The following PDE4D variants were observed in gnomAD, a reference collection of about 807,000 sequenced individuals.
The protein encoded by PDE4D is 3',5'-cyclic-AMP phosphodiesterase 4D.
In PDE4D, 24 loss-of-function variants were observed where a neutral mutation model predicts 87.4. The observed-to-expected ratio is 0.27, with a 90% CI of 0.20 to 0.39. The LOEUF (loss-of-function observed/expected upper bound fraction) is 0.39. Among genes scored for constraint, PDE4D ranks in the 10% least tolerant of loss-of-function variants. PDE4D has a pLI of 1.00. For missense variants in PDE4D, 714 were observed against 1,041.0 expected (o/e 0.69, Z 4.32); for synonymous variants, 384 against 383.2 (o/e 1.00, Z -0.02).
chr5:60,142,112 T>C (rs1218219393), intron 2 of PDE4D, among the ~76,000 whole-genome samples: 2 of 150,682 alleles, frequency 1.3e-5, no homozygotes, highest in South Asian at 2.1e-4. Flanking sequence ...AGAAACTGCA[T>C]GGAAAACAAA....
chr5:60,344,705 C>A (rs1254060727), intron 1 of PDE4D, among the ~76,000 whole-genome samples: 1 of 152,060 alleles, frequency 6.6e-6, no homozygotes, highest in Non-Finnish European at 1.5e-5. Context: ...CACACACACG[C>A]AAACAGATGA....
intron 1 of PDE4D, among the ~76,000 whole-genome samples, chr5:59,558,164 TACA>T (rs1003801428): frequency 2.0e-5 from 3 of 152,182 alleles, no homozygotes; most frequent in Admixed American, 6.6e-5. Flanking sequence ...GCTATGGAGA[TACA>T]ACAAGACAAT....
At chr5:59,251,739 C>T (rs1193189911) in intron 1 of PDE4D, among the ~76,000 whole-genome samples, 2 of 152,016 alleles carry the variant, frequency 1.3e-5, no homozygotes, top group East Asian at 1.9e-4. Flanking sequence ...ATGTTCATTC[C>T]AGCACTATTA....
intron 2 of PDE4D, among the ~76,000 whole-genome samples, chr5:60,132,724 G>T (rs1019041211): frequency 6.6e-6 from 1 of 151,952 alleles, no homozygotes; most frequent in Non-Finnish European, 1.5e-5. Flanking sequence ...GTTCACTATG[G>T]TTACATTTAA....
chr5:59,574,244 T>C (rs1384932092), intron 1 of PDE4D, among the ~76,000 whole-genome samples: 1 of 145,302 alleles, frequency 6.9e-6, no homozygotes, highest in African/African-American at 2.6e-5. Context: ...AGGTAATATA[T>C]ATATATATAT....
chr5:59,890,981 T>G (rs1750871628), intron 1 of PDE4D, among the ~76,000 whole-genome samples: 1 of 152,216 alleles, frequency 6.6e-6, no homozygotes, highest in South Asian at 2.1e-4. Flanking sequence ...CAAAAGCAAC[T>G]CTATTAAGGA....
chr5:60,168,189 G>A (rs1181380941), intron 2 of PDE4D, among the ~76,000 whole-genome samples: 1 of 152,208 alleles, frequency 6.6e-6, no homozygotes, highest in Non-Finnish European at 1.5e-5. Flanking sequence ...TAAGTAAAGT[G>A]TGGACATAGT....
At chr5:59,253,813 G>C (rs1316140592) in intron 1 of PDE4D, among the ~76,000 whole-genome samples, 1 of 151,976 alleles carries the variant, frequency 6.6e-6, no homozygotes, top group Non-Finnish European at 1.5e-5. Context: ...GCCCTCTATG[G>C]CACCCTAGAA....
At chr5:60,134,945 TAGA>T (rs1408225021) in intron 2 of PDE4D, among the ~76,000 whole-genome samples, 1 of 152,118 alleles carries the variant, frequency 6.6e-6, no homozygotes, top group Non-Finnish European at 1.5e-5. Flanking sequence ...TACACACACA[TAGA>T]AGATTAGTAA....
chr5:59,039,638 C>A (rs1157955809), intron 5 of PDE4D: 1 of 421,536 alleles, frequency 2.4e-6, no homozygotes, highest in Non-Finnish European at 3.2e-6. Context: ...CCTCCTCAAC[C>A]CCCTTACGAA....
chr5:59,359,949 T>C (rs907040227), intron 1 of PDE4D, among the ~76,000 whole-genome samples: 2 of 152,136 alleles, frequency 1.3e-5, no homozygotes, highest in African/African-American at 4.8e-5. Flanking sequence ...CTAACCCCAC[T>C]AAAGTATCAG....
chr5:60,043,669 T>G (rs1474503767), intron 2 of PDE4D, among the ~76,000 whole-genome samples: 3 of 152,154 alleles, frequency 2.0e-5, no homozygotes, highest in Non-Finnish European at 4.4e-5. Flanking sequence ...TTTTTTTTTT[T>G]TTAAGGTTAA....
intron 2 of PDE4D, among the ~76,000 whole-genome samples, chr5:60,000,200 C>T (rs1264973335): frequency 6.6e-6 from 1 of 151,766 alleles, no homozygotes; most frequent in Non-Finnish European, 1.5e-5. Context: ...AGATACTTGC[C>T]AAATCTGAGG....
intron 1 of PDE4D, among the ~76,000 whole-genome samples, chr5:60,438,363 AC>A: frequency 6.6e-6 from 1 of 152,120 alleles, no homozygotes; most frequent in South Asian, 2.1e-4. Context: ...CACCATCTAA[AC>A]CCTTACTCTG....
Position 60,359,674 on chromosome 5 carries a change from G to A in PDE4D, c.-90+128268C>T, listed in dbSNP as rs563960985. Reference sequence around the variant, plus strand: ...CCTCTTCACAAGGACAACACTTTCAGTAAAACACATCTTATAAAATGTCTT... The same window carrying A: ...CCTCTTCACAAGGACAACACTTTCAATAAAACACATCTTATAAAATGTCTT... On this transcript the variant is annotated intron_variant, in intron 1 of 16. Transcript: ENST00000502484. 3.3e-5 allele frequency among the ~76,000 whole-genome samples: 5 copies of A among 152,278 alleles called. No homozygotes were observed. The East Asian group carries it at 9.7e-4, about 29-fold the overall frequency.
At chr5:59,845,550 C>T (rs902806101) in intron 1 of PDE4D, among the ~76,000 whole-genome samples, 10 of 152,064 alleles carry the variant, frequency 6.6e-5, no homozygotes, top group African/African-American at 2.2e-4. Flanking sequence ...CAGGAAATAG[C>T]AACACATGTG....
intron 1 of PDE4D, among the ~76,000 whole-genome samples, chr5:60,371,539 T>C (rs1167485816): frequency 6.6e-6 from 1 of 152,168 alleles, no homozygotes; most frequent in Non-Finnish European, 1.5e-5. Flanking sequence ...AATTCTCTAT[T>C]GAAATATAAT....
chr5:59,223,223 C>A (rs1202829439), intron 1 of PDE4D, among the ~76,000 whole-genome samples: 1 of 152,140 alleles, frequency 6.6e-6, no homozygotes, highest in South Asian at 2.1e-4. Context: ...CTAGATATTA[C>A]TCACTGAGGA....
intron 1 of PDE4D, among the ~76,000 whole-genome samples, chr5:60,187,951 A>T (rs1380778541): frequency 6.6e-6 from 1 of 152,220 alleles, no homozygotes; most frequent in Non-Finnish European, 1.5e-5. Flanking sequence ...TGAGGTAAAA[A>T]GTATTGTCTA....
Sources: allele counts gnomAD v4.1 joint callset (sites outside exome capture counted in the v4.1 genomes callset), GRCh38; gene constraint gnomAD v4.1.1; transcripts MANE v1.5; gene names NCBI Gene and HGNC (gene_info 2026-07-23, HGNC 2026-07-21).